The following UGGT2 variants were observed in gnomAD, a reference collection of about 807,000 sequenced individuals.
UGGT2 encodes UDP-glucose glycoprotein glucosyltransferase 2, also known as UDP-glucose:glycoprotein glucosyltransferase 2.
UGGT2 carries 180 observed loss-of-function variants against 192.1 expected under a neutral mutation model. That is an observed-to-expected ratio of 0.94 (90% CI 0.83 to 1.06). The LOEUF (loss-of-function observed/expected upper bound fraction) is 1.06. Among genes scored for constraint, UGGT2 ranks in the 50% least tolerant of loss-of-function variants. UGGT2 has a pLI of 0.00. For missense variants in UGGT2, 1,849 were observed against 1,795.7 expected, an observed-to-expected ratio of 1.03 and a Z score of -0.54; for synonymous variants, 580 against 591.0, an observed-to-expected ratio of 0.98 and a Z score of 0.27.
At chr13:96,051,805 TAATAAAAA>T (rs1348030854) in intron 1 of UGGT2, among the ~76,000 whole-genome samples, 2 of 151,962 alleles carry the variant, frequency 1.3e-5, no homozygotes, top group Non-Finnish European at 2.9e-5. Flanking sequence ...AGAATGGCCA[TAATAAAAA>T]AATAAAAATA....
intron 10 of UGGT2, among the ~76,000 whole-genome samples, chr13:95,977,450 A>C (rs1480281822): frequency 6.6e-6 from 1 of 152,188 alleles, no homozygotes; most frequent in East Asian, 1.9e-4. Context: ...ATAAGAAAAA[A>C]AGTTCATTAT....
At chr13:96,016,559 A>G (rs2139087312) in intron 4 of UGGT2, among the ~76,000 whole-genome samples, 1 of 152,298 alleles carries the variant, frequency 6.6e-6, no homozygotes, top group South Asian at 2.1e-4. Flanking sequence ...CAGTTTATAC[A>G]TGGTCTCATG....
Position 95,887,940 on chromosome 13 carries a change from T to C in UGGT2, c.2990A>G (p.Lys997Arg). The C allele has an allele frequency of 6.2e-7, 1 of 1,604,206 alleles. No homozygotes were observed. The highest frequency in any genetic ancestry group is 8.5e-7 in the Non-Finnish European group (1 of 1,174,712). Reference sequence around the variant, plus strand: ...CCTGCCCCTACAGTTCATGAACAACTTTATCTTCATGTTGATAATCTTGCC... The same window carrying C: ...CCTGCCCCTACAGTTCATGAACAACCTTATCTTCATGTTGATAATCTTGCC... ...VLGKIINMKI[K>R]LFMNCRGRLS... The change falls in exon 26 of 39, where the codon AAG becomes AGG. Residue 997 changes from lysine (K) to arginine (R), a missense_variant. Transcript: ENST00000376747.
chr13:95,939,064 A>C (rs1486128616), intron 16 of UGGT2, among the ~76,000 whole-genome samples: 1 of 152,164 alleles, frequency 6.6e-6, no homozygotes, highest in Non-Finnish European at 1.5e-5. Flanking sequence ...GAGTGCATTA[A>C]ATGTTGTTCA....
At chr13:95,835,781 C>T (rs1887214577) in intron 37 of UGGT2, among the ~76,000 whole-genome samples, 2 of 152,078 alleles carry the variant, frequency 1.3e-5, no homozygotes, top group African/African-American at 2.4e-5. Flanking sequence ...AATATAAAAT[C>T]TAAATGGACA....
At chr13:95,933,282 G>A (rs1326243644) in intron 17 of UGGT2, among the ~76,000 whole-genome samples, 1 of 152,094 alleles carries the variant, frequency 6.6e-6, no homozygotes, top group Non-Finnish European at 1.5e-5. Context: ...TCTGCTCAGG[G>A]TGTCAATTTC....
intron 8 of UGGT2, among the ~76,000 whole-genome samples, chr13:95,987,349 C>CTT (rs1237596778): frequency 6.6e-6 from 1 of 152,096 alleles, no homozygotes; most frequent in Non-Finnish European, 1.5e-5. Context: ...AGATTTCTTG[C>CTT]TTTTAGTCCA....
chr13:95,985,941 T>C (rs912332781), intron 9 of UGGT2, among the ~76,000 whole-genome samples: 3 of 152,144 alleles, frequency 2.0e-5, no homozygotes, highest in African/African-American at 7.2e-5. Context: ...AAGAATATGA[T>C]TTGGCAGTAC....
chr13:95,943,640 G>T (rs1288632287), intron 15 of UGGT2, among the ~76,000 whole-genome samples: 2 of 151,982 alleles, frequency 1.3e-5, no homozygotes, highest in African/African-American at 4.8e-5. Context: ...TTAGTATACT[G>T]ATCTCATATC....
At chr13:95,819,647 T>C (rs139575856) in intron 38 of UGGT2, among the ~76,000 whole-genome samples, 4 of 152,228 alleles carry the variant, frequency 2.6e-5, no homozygotes, top group Admixed American at 1.3e-4. Context: ...CAACAATAGA[T>C]TGTAAAAGGA....
At position 95,983,828 on chromosome 13, in the gene UGGT2, T is replaced by A. The variant is rs144012178; in HGVS notation, c.1068A>T (p.Arg356Ser). 9.5e-5 allele frequency: 149 copies of A among 1,566,958 alleles called. No homozygotes were observed. Among genetic ancestry groups the A allele is most frequent in the East Asian group, 4.5e-5 (2 of 44,332 alleles). Reference protein sequence around the residue: ...LTRIAVNQHMREEIKENQKDL... With the variant: ...LTRIAVNQHMSEEIKENQKDL... ...CCTTTTGATTTTCCTTTATTTCTTC[T>A]CTCATATGTTGATTTACAGCAATTC... Residue 356 changes from arginine (R) to serine (S), a missense_variant, in exon 10 of 39, where the codon AGA (arginine) becomes AGT (serine). Physicochemically the swap from Arg to Ser is moderately radical, Grantham distance 110 (BLOSUM62 -1). Transcript: ENST00000376747.
chr13:95,899,535 TTTG>T (rs975241570), intron 22 of UGGT2, among the ~76,000 whole-genome samples: 18 of 152,160 alleles, frequency 1.2e-4, no homozygotes, highest in African/African-American at 4.1e-4. Context: ...GTATCTAGTA[TTTG>T]TTATCATTAA....
At chr13:95,939,574 T>C (rs929736849) in intron 16 of UGGT2, among the ~76,000 whole-genome samples, 1 of 151,876 alleles carries the variant, frequency 6.6e-6, no homozygotes, top group Non-Finnish European at 1.5e-5. Context: ...TATATGTTTA[T>C]GATATATGAC....
intron 4 of UGGT2, among the ~76,000 whole-genome samples, chr13:96,022,730 T>C (rs2052551568): frequency 6.6e-6 from 1 of 151,958 alleles, no homozygotes; most frequent in African/African-American, 2.4e-5. Flanking sequence ...ATTCCCCAGG[T>C]ATATATTCAG....
chr13:96,047,883 A>C (rs978429189), intron 1 of UGGT2, among the ~76,000 whole-genome samples: 7 of 152,122 alleles, frequency 4.6e-5, no homozygotes, highest in Non-Finnish European at 8.8e-5. Context: ...ACACAATAAT[A>C]ATGGGAGACT....
chr13:95,989,480 A>G (rs763273239), intron 8 of UGGT2: 5 of 247,784 alleles, frequency 2.0e-5, no homozygotes, highest in African/African-American at 4.6e-5. Context: ...TGTTCACAAA[A>G]TATCTGCTTG....
chr13:95,809,632 T>C (rs537971432), intron 38 of UGGT2: 4 of 223,188 alleles, frequency 1.8e-5, no homozygotes, highest in Non-Finnish European at 3.8e-5. Context: ...GGAGGGTGTG[T>C]GCCAAGTGCC....
intron 16 of UGGT2, among the ~76,000 whole-genome samples, chr13:95,939,660 A>G (rs1167885065): frequency 6.6e-6 from 1 of 152,120 alleles, no homozygotes; most frequent in Non-Finnish European, 1.5e-5. Context: ...TACTTCTCAT[A>G]TTTTGTGGTG....
intron 12 of UGGT2, among the ~76,000 whole-genome samples, chr13:95,969,827 G>T (rs1454911152): frequency 6.6e-6 from 1 of 152,162 alleles, no homozygotes; most frequent in Non-Finnish European, 1.5e-5. Flanking sequence ...CATGTATTTG[G>T]TGTCTTGTTG....
Sources: gnomAD v4.1 joint callset for allele counts (sites outside exome capture counted in the v4.1 genomes callset) on GRCh38, gnomAD v4.1.1 for gene constraint, MANE v1.5 for transcripts, NCBI Gene and HGNC (gene_info 2026-07-23, HGNC 2026-07-21) for gene names.